Variants in MOV10L1 observed in about 807,000 individuals in gnomAD.
MOV10L1 encodes the protein RNA helicase Mov10l1.
In MOV10L1, 110 loss-of-function variants were observed where a neutral mutation model predicts 143.8. The observed-to-expected ratio is 0.76, with a 90% CI of 0.66 to 0.90. MOV10L1 has a LOEUF of 0.90. Among genes scored for constraint, MOV10L1 ranks in the 40% least tolerant of loss-of-function variants. The pLI is 0.00. For synonymous variants in MOV10L1, 593 were observed against 581.1 expected, an observed-to-expected ratio of 1.02 and a Z score of -0.29; for missense variants, 1,406 against 1,526.8, an observed-to-expected ratio of 0.92 and a Z score of 1.32.
At chr22:50,112,918 A>G (rs942458982) in intron 5 of MOV10L1, among the ~76,000 whole-genome samples, 2 of 152,226 alleles carry the variant, frequency 1.3e-5, no homozygotes, top group Non-Finnish European at 2.9e-5. Flanking sequence ...CAGAGAAGGA[A>G]GAGCCAAACA....
At chr22:50,110,331 C>G (rs2147119792) in intron 5 of MOV10L1, among the ~76,000 whole-genome samples, 1 of 151,804 alleles carries the variant, frequency 6.6e-6, no homozygotes, top group Admixed American at 6.5e-5. Context: ...CGCCTGTAGT[C>G]CCAGCTACTC....
Position 50,090,577 on chromosome 22 carries a change from G to C in MOV10L1, c.97+392G>C, listed in dbSNP as rs945472019. 20 of 1,552,222 alleles carry C rather than the reference G, an allele frequency of 1.3e-5. No individual in the cohort carries two copies. In the Middle Eastern group the frequency reaches 5.0e-4, roughly 39 times the overall value. On this transcript the variant is annotated intron_variant, in intron 1 of 26. Transcript: ENST00000262794. ...TTGGCCTGTCCTTTCAGAACGCGCT[G>C]CGCCAAGGCGTGCCATTTCCTTGTC...
chr22:50,115,058 C>T, intron 7 of MOV10L1, 56 bp from the exon 8 acceptor site: 2 of 1,515,444 alleles, frequency 1.3e-6, no homozygotes. Flanking sequence ...CATGCCAGCA[C>T]TGTTAGAGAT....
chr22:50,157,979 C>A, intron 22 of MOV10L1, 78 bp from the exon 23 acceptor site: 2 of 1,517,354 alleles, frequency 1.3e-6, no homozygotes, highest in Admixed American at 1.9e-5. Context: ...ATTCCCAGCA[C>A]CGACTTCAGC....
intron 13 of MOV10L1, among the ~76,000 whole-genome samples, chr22:50,131,735 A>G (rs1569307456): frequency 8.3e-6 from 1 of 120,176 alleles, no homozygotes. Flanking sequence ...AAAAAAAAAA[A>G]GAAAATCAGT....
chr22:50,098,353 A>G (rs894238680), intron 2 of MOV10L1, among the ~76,000 whole-genome samples: 2 of 151,298 alleles, frequency 1.3e-5, no homozygotes, highest in African/African-American at 4.9e-5. Context: ...TTTCCAATTC[A>G]TGAACGCGGT....
intron 3 of MOV10L1, among the ~76,000 whole-genome samples, chr22:50,106,516 A>G (rs2061871628): frequency 6.6e-6 from 1 of 151,818 alleles, no homozygotes; most frequent in South Asian, 2.1e-4. Flanking sequence ...AAGTAACTGT[A>G]CAACGTATAG....
chr22:50,100,912 G>T (rs1053970312), intron 3 of MOV10L1, among the ~76,000 whole-genome samples: 1 of 152,186 alleles, frequency 6.6e-6, no homozygotes, highest in South Asian at 2.1e-4. Flanking sequence ...ACTCAGCAGC[G>T]GTTTACTCTA....
intron 22 of MOV10L1, among the ~76,000 whole-genome samples, chr22:50,155,189 T>A (rs532580809): frequency 1.3e-5 from 2 of 152,266 alleles, no homozygotes; most frequent in South Asian, 4.1e-4. Flanking sequence ...AGTAAGTTAA[T>A]GGTTTAACAA....
At chr22:50,090,530 C>T (rs747333113) in intron 1 of MOV10L1, 24 of 1,605,218 alleles carry the variant, frequency 1.5e-5, no homozygotes, top group East Asian at 6.7e-5. Context: ...TAGAAAGCCC[C>T]GAAAAACGCG....
At chr22:50,111,431 T>C (rs111708319) in intron 5 of MOV10L1, among the ~76,000 whole-genome samples, 96 of 151,452 alleles carry the variant, frequency 6.3e-4, no homozygotes, top group African/African-American at 2.2e-3. Context: ...CATGACAGCT[T>C]CTGGCTGAGT....
At chr22:50,100,286 C>T (rs1477198572) in intron 3 of MOV10L1, among the ~76,000 whole-genome samples, 1 of 152,072 alleles carries the variant, frequency 6.6e-6, no homozygotes, top group Non-Finnish European at 1.5e-5. Context: ...AGCCACCACA[C>T]CCAGCCAGGT....
At chr22:50,119,628 T>A (rs988569381) in intron 9 of MOV10L1, among the ~76,000 whole-genome samples, 1 of 151,222 alleles carries the variant, frequency 6.6e-6, no homozygotes, top group African/African-American at 2.4e-5. Flanking sequence ...TCCCTTTACC[T>A]TGTTCGTGTT....
chr22:50,117,378 C>T, intron 9 of MOV10L1, 27 bp downstream of exon 9: 4 of 1,605,326 alleles, frequency 2.5e-6, no homozygotes, highest in Non-Finnish European at 3.4e-6. Flanking sequence ...GAGTGTGGCT[C>T]TTGGTCTGGC....
chr22:50,149,864 A>G, intron 20 of MOV10L1, 150 bp downstream of exon 20: 2 of 634,586 alleles, frequency 3.2e-6, no homozygotes, highest in Non-Finnish European at 5.5e-6. Context: ...ATGGGTCTCT[A>G]TTGTACTTTA....
In MOV10L1 at chr22:50,108,208, C is replaced by G. The variant is rs560495610; in HGVS notation, c.515C>G (p.Ala172Gly). 8 of 1,614,090 alleles carry G rather than the reference C, an allele frequency of 5.0e-6. No individual in the cohort carries two copies. In the East Asian group the frequency reaches 1.8e-4, roughly 36 times the overall value. ...CGGCCTGGCACGTGGAGCAGCGAAG[C>G]CACCTCAGTGAAGCCACTGAGATAC... ...RIRPGTWSSE[A>G]TSVKPLRYKR... is the part of the protein sequence containing the mutation. Residue 172 changes from alanine to glycine, a missense_variant, in exon 4 of 27, where the codon GCC (alanine) becomes GGC (glycine). By Grantham distance (60) the Ala-to-Gly change is moderately conservative (BLOSUM62 0). Transcript: ENST00000262794.
At chr22:50,148,179 G>T (rs6010192) in intron 19 of MOV10L1, among the ~76,000 whole-genome samples, 4 of 152,342 alleles carry the variant, frequency 2.6e-5, no homozygotes, top group African/African-American at 9.6e-5. Context: ...GTGTTGGCGT[G>T]GCTCCGGACA....
At chr22:50,137,739 T>A (rs911548922) in intron 15 of MOV10L1, among the ~76,000 whole-genome samples, 23 of 110,624 alleles carry the variant, frequency 2.1e-4, no homozygotes, top group African/African-American at 5.6e-4. Flanking sequence ...TATATATATT[T>A]TATATATATA....
intron 13 of MOV10L1, among the ~76,000 whole-genome samples, chr22:50,132,994 C>T (rs1223851318): frequency 2.6e-5 from 4 of 152,010 alleles, no homozygotes; most frequent in Admixed American, 6.6e-5. Flanking sequence ...CGAGATCACG[C>T]TACTCATTCC....
Sources: gnomAD v4.1 joint callset for allele counts (sites outside exome capture counted in the v4.1 genomes callset) on GRCh38, gnomAD v4.1.1 for gene constraint, MANE v1.5 for transcripts, NCBI Gene and HGNC (gene_info 2026-07-23, HGNC 2026-07-21) for gene names.